PALLD: variants seen among roughly 807,000 people sequenced by gnomAD.
PALLD encodes the protein palladin, cytoskeletal associated protein.
In PALLD, 61 loss-of-function variants were observed where a neutral mutation model predicts 123.5. The ratio of observed to expected loss-of-function variants is 0.49; its 90% CI spans 0.40 to 0.61. The LOEUF (loss-of-function observed/expected upper bound fraction) is 0.61, where lower values mean the gene tolerates loss of function less well. PALLD is among the 20% of genes least tolerant of loss of function. PALLD has a pLI of 0.00. For synonymous variants in PALLD, 465 were observed against 496.4 expected, an observed-to-expected ratio of 0.94 and a Z score of 0.84; for missense variants, 1,273 against 1,377.0, an observed-to-expected ratio of 0.92 and a Z score of 1.20.
chr4:168,734,342 G>A (rs1018736424), intron 10 of PALLD, among the ~76,000 whole-genome samples: 10 of 151,892 alleles, frequency 6.6e-5, no homozygotes, highest in African/African-American at 1.9e-4. Context: ...ACATCCTGCT[G>A]ACACAAAGCT....
chr4:168,573,190 G>T (rs1456847003), intron 2 of PALLD, among the ~76,000 whole-genome samples: 1 of 151,604 alleles, frequency 6.6e-6, no homozygotes, highest in Non-Finnish European at 1.5e-5. Flanking sequence ...CTTTTTCCTA[G>T]ATCTTCTCAT....
intron 10 of PALLD, among the ~76,000 whole-genome samples, chr4:168,807,885 T>C (rs1181774669): frequency 6.6e-6 from 1 of 152,006 alleles, no homozygotes; most frequent in African/African-American, 2.4e-5. Flanking sequence ...TTTGTATTTT[T>C]AGTAGAGACA....
intron 10 of PALLD, among the ~76,000 whole-genome samples, chr4:168,846,475 T>G (rs1746861733): frequency 6.6e-6 from 1 of 152,214 alleles, no homozygotes; most frequent in Non-Finnish European, 1.5e-5. Context: ...TCTAGTTGCC[T>G]TAAATGAATT....
At chr4:168,743,285 T>G (rs889047017) in intron 10 of PALLD, among the ~76,000 whole-genome samples, 4 of 152,228 alleles carry the variant, frequency 2.6e-5, no homozygotes, top group African/African-American at 9.6e-5. Flanking sequence ...ATCTGGATGC[T>G]TGATTACACC....
intron 2 of PALLD, among the ~76,000 whole-genome samples, chr4:168,552,673 G>C (rs536978710): frequency 6.6e-6 from 1 of 151,920 alleles, no homozygotes; most frequent in East Asian, 1.9e-4. Context: ...GTTTGTTTTT[G>C]TTTTGTTTTG....
intron 18 of PALLD, among the ~76,000 whole-genome samples, chr4:168,922,511 T>G (rs973045623): frequency 6.6e-6 from 1 of 152,188 alleles, no homozygotes; most frequent in Admixed American, 6.5e-5. Context: ...AGCTGATGAT[T>G]AGATTTAACA....
At chr4:168,730,409 A>G (rs1483555237) in intron 10 of PALLD, among the ~76,000 whole-genome samples, 1 of 151,708 alleles carries the variant, frequency 6.6e-6, no homozygotes, top group Non-Finnish European at 1.5e-5. Context: ...AGGGAATCCT[A>G]TTGTTATTGT....
chr4:168,870,826 T>G (rs1401876253), intron 10 of PALLD, among the ~76,000 whole-genome samples: 1 of 152,230 alleles, frequency 6.6e-6, no homozygotes, highest in Non-Finnish European at 1.5e-5. Context: ...CTCCATGTTT[T>G]TACTTGTAAA....
chr4:168,636,019 TTGA>T (rs1580694533), intron 2 of PALLD, among the ~76,000 whole-genome samples: 1 of 152,212 alleles, frequency 6.6e-6, no homozygotes, highest in East Asian at 1.9e-4. Context: ...TGTATTACAT[TTGA>T]TCATTTCCTT....
chr4:168,587,664 A>T (rs902733684), intron 2 of PALLD, among the ~76,000 whole-genome samples: 2 of 151,926 alleles, frequency 1.3e-5, no homozygotes, highest in African/African-American at 4.8e-5. Flanking sequence ...TTTTTTCCCT[A>T]TTCTACCTCT....
intron 2 of PALLD, among the ~76,000 whole-genome samples, chr4:168,592,681 T>A (rs1037822149): frequency 6.6e-6 from 1 of 152,154 alleles, no homozygotes; most frequent in African/African-American, 2.4e-5. Flanking sequence ...CTGTTATGGT[T>A]ATGCCTTACA....
At chr4:168,505,522 C>T (rs1350862414) in intron 1 of PALLD, among the ~76,000 whole-genome samples, 1 of 152,206 alleles carries the variant, frequency 6.6e-6, no homozygotes, top group African/African-American at 2.4e-5. Flanking sequence ...TTCTGATCCA[C>T]AGTTTTGTTA....
At chr4:168,609,169 T>C (rs1773486436) in intron 2 of PALLD, among the ~76,000 whole-genome samples, 1 of 152,022 alleles carries the variant, frequency 6.6e-6, no homozygotes, top group Non-Finnish European at 1.5e-5. Flanking sequence ...CTGTGAATAA[T>C]TGGCAGCCCA....
chr4:168,877,907 T>C lies in PALLD; in HGVS notation c.1965-13015T>C, dbSNP rs1279896846. On this transcript the variant is annotated intron_variant, in intron 10 of 21. Coordinates refer to ENST00000505667, the MANE Select transcript of PALLD (RefSeq NM_001166108.2). ...CCCGGAGCCCATGAGCGCGCTGGCC[T>C]CCCGCTCCGCCCCCGCCATGCAGTC... The C allele has an allele frequency of 5.4e-6, 8 of 1,477,814 alleles. No homozygotes were observed. In the Admixed American group the frequency reaches 1.8e-4, roughly 33 times the overall value. The allele number at this position is 1,477,814 out of a possible 1,614,324, so 91.5% of individuals were successfully genotyped here. A position where few individuals can be genotyped will look rare whatever the true frequency, so the allele number is the denominator to read the frequency against.
intron 10 of PALLD, among the ~76,000 whole-genome samples, chr4:168,783,232 C>A (rs1736203104): frequency 6.6e-6 from 1 of 152,000 alleles, no homozygotes; most frequent in Admixed American, 6.6e-5. Context: ...TGCTGAGTAC[C>A]AGTTATGTTC....
At chr4:168,816,389 G>GTGTATATATA (rs759861616) in intron 10 of PALLD, among the ~76,000 whole-genome samples, 2 of 139,026 alleles carry the variant, frequency 1.4e-5, no homozygotes, top group Admixed American at 7.3e-5. Context: ...GTGTATGTGT[G>GTGTATATATA]TATATATATA....
intron 20 of PALLD, 30 bp downstream of exon 20, chr4:168,925,108 G>A (rs374872120): frequency 2.5e-5 from 40 of 1,609,542 alleles, no homozygotes; most frequent in African/African-American, 1.2e-4. Flanking sequence ...ATTTCATTGC[G>A]TTTACTCATT....
At position 168,843,089 on chromosome 4, in the gene PALLD, G is replaced by A. The variant is rs141954629; in HGVS notation, c.1965-47833G>A. Among the ~76,000 whole-genome samples the A allele has an allele frequency of 2.1e-3, 324 of 152,296 alleles. 1 individual carries two copies. Among genetic ancestry groups the A allele is most frequent in the Middle Eastern group, 0.02 (6 of 294 alleles). On this transcript the variant is annotated intron_variant, in intron 10 of 21. Transcript: ENST00000505667. ...CCAGCTGTTAAGCATAATTACTGTG[G>A]TTTTGCCAGAAAGGAATTCTAAATG...
rs1487245767 is a variant in PALLD at position 168,898,721 on chromosome 4, T to G, written c.2472+7T>G. 2 of 1,591,448 alleles carry G rather than the reference T, an allele frequency of 1.3e-6. No individual in the cohort carries two copies. The highest frequency in any genetic ancestry group is 2.7e-5 in the African/African-American group (2 of 74,500). On this transcript the variant is annotated splice_region_variant and intron_variant, in intron 14 of 21. Transcript: ENST00000505667. ...TGGAAATCCAAAGCCAAAGGTGAGC[T>G]GGGAGATGGAGGCTTTTTAAGAGTC...
Sources: allele counts gnomAD v4.1 joint callset (sites outside exome capture counted in the v4.1 genomes callset), GRCh38; gene constraint gnomAD v4.1.1; transcripts MANE v1.5; gene names NCBI Gene and HGNC (gene_info 2026-07-23, HGNC 2026-07-21).